Variants in ALDH6A1 observed in about 807,000 individuals in gnomAD.
The protein encoded by ALDH6A1 is methylmalonate-semialdehyde/malonate-semialdehyde dehydrogenase [acylating], mitochondrial.
ALDH6A1 carries 43 observed loss-of-function variants against 62.6 expected under a neutral mutation model. The observed-to-expected ratio is 0.69, with a 90% CI of 0.54 to 0.89. The LOEUF is 0.89. ALDH6A1 is among the 40% of genes least tolerant of loss of function. The pLI is 0.00. For synonymous variants in ALDH6A1, 194 were observed against 234.2 expected, an observed-to-expected ratio of 0.83 and a Z score of 1.57; for missense variants, 551 against 661.3, an observed-to-expected ratio of 0.83 and a Z score of 1.83.
intron 2 of ALDH6A1, among the ~76,000 whole-genome samples, chr14:74,074,179 G>A (rs1486087304): frequency 6.6e-6 from 1 of 151,584 alleles, no homozygotes. Flanking sequence ...GTTTCACCAT[G>A]TCTCCCAGGC....
chr14:74,081,456 T>C (rs775228132), intron 1 of ALDH6A1, among the ~76,000 whole-genome samples: 3 of 152,206 alleles, frequency 2.0e-5, no homozygotes, highest in Non-Finnish European at 4.4e-5. Context: ...GTTAAGAGGA[T>C]GTAAAAAGCA....
At position 74,071,972 on chromosome 14, in the gene ALDH6A1, T is replaced by C. The variant is rs781075202; in HGVS notation, c.351A>G (p.Lys117=). The change falls in exon 5 of 12, where the codon AAA becomes AAG. Residue 117 remains lysine, a splice_region_variant and synonymous_variant. Transcript: ENST00000553458. ...CCAATGTGATTAACTTGGCAATTTCTTTCTAGAGAGAAGACACACAAATAG... is the reference window on the plus strand; with the variant it reads ...CCAATGTGATTAACTTGGCAATTTCCTTCTAGAGAGAAGACACACAAATAG... ...RYQQLIKENL[K]EIAKLITLEQ... is the part of the protein sequence containing the mutation. 1.9e-6 allele frequency: 3 copies of C among 1,613,924 alleles called. No individual in the cohort carries two copies. Among genetic ancestry groups the C allele is most frequent in the Non-Finnish European group, 1.7e-6 (2 of 1,179,752 alleles).
intron 1 of ALDH6A1, chr14:74,078,336 G>A (rs913635324): frequency 2.3e-6 from 1 of 444,394 alleles, no homozygotes; most frequent in Non-Finnish European, 4.5e-6. Context: ...ATCAATATAT[G>A]TGGACTGGAT....
chr14:74,062,519 T>G (rs935102114), intron 11 of ALDH6A1, among the ~76,000 whole-genome samples: 1 of 152,008 alleles, frequency 6.6e-6, no homozygotes, highest in African/African-American at 2.4e-5. Context: ...GAGAATTGCT[T>G]GAACCCTGGA....
At chr14:74,063,221 C>G (rs1372060797) in intron 11 of ALDH6A1, among the ~76,000 whole-genome samples, 3 of 149,530 alleles carry the variant, frequency 2.0e-5, no homozygotes, top group African/African-American at 2.5e-5. Context: ...GAGTCTTGCT[C>G]TGTTGCCCAG....
chr14:74,071,019 C>T, intron 6 of ALDH6A1, 176 bp downstream of exon 6: 2 of 684,930 alleles, frequency 2.9e-6, no homozygotes, highest in South Asian at 3.4e-5. Flanking sequence ...TGCTATTCCC[C>T]AATCAGTTAC....
chr14:74,082,030 A>C (rs1472168942), intron 1 of ALDH6A1, among the ~76,000 whole-genome samples: 2 of 152,106 alleles, frequency 1.3e-5, no homozygotes, highest in African/African-American at 2.4e-5. Flanking sequence ...AACATGGTGA[A>C]ACCCTGTCTC....
rs1406391721 is a variant in ALDH6A1, at chr14:74,066,861, G to T, written c.1068C>A (p.Gly356=). The T allele has an allele frequency of 6.2e-7, 1 of 1,613,954 alleles. No individual in the cohort carries two copies. Among genetic ancestry groups the T allele is most frequent in the Admixed American group, 1.7e-5 (1 of 59,990 alleles). Reference sequence around the variant, plus strand: ...CTTTGGCCTGGGGAGTGATCAGAGGGCCAAGATCAGCTCCAGGCTGATCTC... The same window carrying T: ...CTTTGGCCTGGGGAGTGATCAGAGGTCCAAGATCAGCTCCAGGCTGATCTC... ...NAGDQPGADL[G]PLITPQAKER... The change falls in exon 9 of 12, where the codon GGC becomes GGA. Residue 356 remains glycine, a synonymous_variant. Transcript: ENST00000553458.
chr14:74,058,290 G>A lies in ALDH6A1; in HGVS notation c.*2352C>T, dbSNP rs142903000. The A allele has an allele frequency of 0.014, 2,072 of 152,224 alleles. 41 individuals are homozygous for A. The highest frequency in any genetic ancestry group is 0.047 in the African/African-American group (1,967 of 41,486). The allele number at this position is 152,224 out of a possible 1,614,324, so 9.4% of individuals were successfully genotyped here. A position where few individuals can be genotyped will look rare whatever the true frequency, so the allele number is the denominator to read the frequency against. Reference sequence around the variant, plus strand: ...TGCAGTGAGCCGAGATCGTGCCACTGCACTCCACCCTGGGCAACAGAGCGA... The same window carrying A: ...TGCAGTGAGCCGAGATCGTGCCACTACACTCCACCCTGGGCAACAGAGCGA... On this transcript the variant is annotated 3_prime_UTR_variant, in exon 12 of 12. Transcript: ENST00000553458.
rs139579994 is a variant in ALDH6A1, at chr14:74,068,957, G to A, written c.755C>T (p.Pro252Leu). ...CACAAAGCTGATTGCTTTGATGTCC[G>A]GATGATCGCAAATAAAATTTACAGC... is the stretch of plus-strand genomic sequence containing the variant. ...HEAVNFICDHPDIKAISFVGS... is the reference protein window; with the variant it reads ...HEAVNFICDHLDIKAISFVGS... Residue 252 changes from proline (P) to leucine (L), a missense_variant, in exon 7 of 12, where the codon CCG becomes CTG. Pro to Leu is a moderately conservative substitution (Grantham distance 98). Coordinates refer to ENST00000553458, the MANE Select transcript of ALDH6A1 (RefSeq NM_005589.4). The A allele has an allele frequency of 5.3e-3, 8,483 of 1,613,816 alleles. 40 individuals carry two copies. Among genetic ancestry groups the A allele is most frequent in the Non-Finnish European group, 6.4e-3 (7,558 of 1,179,934 alleles).
rs1434662723 is a variant in ALDH6A1 at position 74,059,026 on chromosome 14, G to A, written c.*1616C>T. ...TTGAACCCGGGAGGCAGAGGTTGCA[G>A]TGAGCCAAGATCACGCCATTGCACT... is the stretch of plus-strand genomic sequence containing the variant. On this transcript the variant is annotated 3_prime_UTR_variant, in exon 12 of 12. Transcript: ENST00000553458. The A allele has an allele frequency of 5.3e-5, 8 of 150,892 alleles. No individual in the cohort carries two copies. The highest frequency in any genetic ancestry group is 1.8e-4 in the African/African-American group (7 of 39,020). The allele number at this position is 150,892 out of a possible 1,614,324, so 9.3% of individuals were successfully genotyped here.
intron 2 of ALDH6A1, among the ~76,000 whole-genome samples, chr14:74,074,613 T>C (rs938422667): frequency 6.6e-6 from 1 of 152,108 alleles, no homozygotes; most frequent in Non-Finnish European, 1.5e-5. Context: ...TGTGGTACAG[T>C]GTGTGCATAC....
intron 11 of ALDH6A1, among the ~76,000 whole-genome samples, chr14:74,061,492 G>A (rs2060340778): frequency 6.6e-6 from 1 of 151,846 alleles, no homozygotes; most frequent in African/African-American, 2.4e-5. Flanking sequence ...GTAGAGAAGG[G>A]CTAATTTCAG....
rs1349494984 is a variant in ALDH6A1 at position 74,057,626 on chromosome 14, T to A, written c.*3016A>T. On this transcript the variant is annotated 3_prime_UTR_variant, in exon 12 of 12. Coordinates refer to ENST00000553458, the MANE Select transcript of ALDH6A1 (RefSeq NM_005589.4). ...TCATTACAACCTAGAGGACAAAGGC[T>A]TATAAGGAGATATGAAATGATTTTT... 1 of 1,336,738 alleles carries A rather than the reference T, an allele frequency of 7.5e-7. No homozygotes were observed. The highest frequency in any genetic ancestry group is 9.8e-7 in the Non-Finnish European group (1 of 1,025,038). 82.8% of individuals were successfully genotyped at this position (1,336,738 alleles called of 1,614,324 possible). A position where few individuals can be genotyped will look rare whatever the true frequency, so the allele number is the denominator to read the frequency against.
intron 7 of ALDH6A1, 111 bp downstream of exon 7, chr14:74,068,749 A>G: frequency 4.5e-6 from 6 of 1,332,552 alleles, no homozygotes; most frequent in Non-Finnish European, 6.3e-6. Context: ...CAAAAAAAAG[A>G]AAGAAACACT....
At chr14:74,061,981 A>G (rs1003385759) in intron 11 of ALDH6A1, among the ~76,000 whole-genome samples, 2 of 139,438 alleles carry the variant, frequency 1.4e-5, no homozygotes, top group African/African-American at 5.3e-5. Flanking sequence ...AGGCTGAGGT[A>G]GGCGGATCAC....
chr14:74,083,280 A>G (rs1407307059), intron 1 of ALDH6A1, among the ~76,000 whole-genome samples: 2 of 152,252 alleles, frequency 1.3e-5, no homozygotes, highest in East Asian at 3.8e-4. Context: ...GACTGGATGT[A>G]ATGAATAAGA....
Position 74,060,296 on chromosome 14 carries a change from G to A in ALDH6A1, c.*346C>T. The A allele has an allele frequency of 3.6e-6, 1 of 280,778 alleles. No homozygotes were observed. Among genetic ancestry groups the A allele is most frequent in the Middle Eastern group, 1.3e-3 (1 of 750 alleles). The allele number at this position is 280,778 out of a possible 1,614,324, so 17.4% of individuals were successfully genotyped here. ...ATTACAGGCGTGAGCCACCGCGCCT[G>A]GCTGGAACATTTTCTTTACATACAC... On this transcript the variant is annotated 3_prime_UTR_variant, in exon 12 of 12. Transcript: ENST00000553458.
At chr14:74,065,453 TAC>T in intron 9 of ALDH6A1, 93 bp from the exon 10 acceptor site, 1 of 1,142,158 alleles carries the variant, frequency 8.8e-7, no homozygotes, top group South Asian at 1.3e-5. Flanking sequence ...ACACATCATT[TAC>T]GTGGACAACT....
Sources: allele counts gnomAD v4.1 joint callset (sites outside exome capture counted in the v4.1 genomes callset), GRCh38; gene constraint gnomAD v4.1.1; transcripts MANE v1.5; gene names NCBI Gene and HGNC (gene_info 2026-07-23, HGNC 2026-07-21).